DOCK5: variants seen among roughly 807,000 people sequenced by gnomAD.
DOCK5 encodes dedicator of cytokinesis 5, also known as dedicator of cytokinesis protein 5.
DOCK5 carries 142 observed loss-of-function variants against 251.8 expected under a neutral mutation model. The observed-to-expected ratio is 0.56, with a 90% CI of 0.49 to 0.65. DOCK5 has a LOEUF of 0.65. DOCK5 is among the 30% of genes least tolerant of loss of function. The pLI is 0.00. For synonymous variants in DOCK5, 842 were observed against 835.5 expected (o/e 1.01, Z -0.13); for missense variants, 2,111 against 2,312.3 (o/e 0.91, Z 1.79).
chr8:25,322,917 C>G (rs540687601), intron 16 of DOCK5, among the ~76,000 whole-genome samples: 9 of 152,308 alleles, frequency 5.9e-5, no homozygotes, highest in Middle Eastern at 6.8e-3. Context: ...TTCATAACAG[C>G]TTCACCCATA....
At chr8:25,192,387 TA>T (rs1801605047) in intron 1 of DOCK5, among the ~76,000 whole-genome samples, 1 of 152,256 alleles carries the variant, frequency 6.6e-6, no homozygotes, top group African/African-American at 2.4e-5. Flanking sequence ...ACAAAATATT[TA>T]ACCCATGTTG....
intron 1 of DOCK5, among the ~76,000 whole-genome samples, chr8:25,195,656 C>T (rs555849509): frequency 6.6e-6 from 1 of 152,298 alleles, no homozygotes; most frequent in East Asian, 1.9e-4. Context: ...TTTAGATGTC[C>T]GGTTCTCTGG....
intron 15 of DOCK5, 50 bp from the exon 16 acceptor site, chr8:25,320,926 ATGCT>A: frequency 6.6e-7 from 1 of 1,503,952 alleles, no homozygotes; most frequent in Non-Finnish European, 9.2e-7. Context: ...GAAATAAACC[ATGCT>A]TGCAAAGTAC....
At position 25,323,955 on chromosome 8, in the gene DOCK5, G is replaced by A. The variant is rs1251963942; in HGVS notation, c.1719+4G>A. The A allele has an allele frequency of 1.2e-5, 19 of 1,604,064 alleles. No individual in the cohort carries two copies. Among genetic ancestry groups the A allele is most frequent in the Non-Finnish European group, 1.3e-5 (15 of 1,175,596 alleles). On this transcript the variant is annotated splice_donor_region_variant and intron_variant, in intron 17 of 51. Coordinates refer to ENST00000276440, the MANE Select transcript of DOCK5 (RefSeq NM_024940.8). ...GCACGATCTGGTGGTTTATAAGGTG[G>A]TGCTAACAGAAAATGGCTGAGAAAA...
intron 40 of DOCK5, among the ~76,000 whole-genome samples, chr8:25,384,369 A>T (rs1801121745): frequency 6.6e-6 from 1 of 152,102 alleles, no homozygotes; most frequent in Admixed American, 6.5e-5. Flanking sequence ...GTCAAAACTC[A>T]CAGAATTTTA....
intron 4 of DOCK5, among the ~76,000 whole-genome samples, chr8:25,276,349 T>C (rs541293910): frequency 6.6e-6 from 1 of 152,298 alleles, no homozygotes; most frequent in African/African-American, 2.4e-5. Context: ...ATTTTGGGTA[T>C]TCATATTTCT....
In DOCK5 at chr8:25,359,028, C is replaced by T. The variant is rs754226847; in HGVS notation, c.2916C>T (p.Tyr972=). 1 of 1,613,902 alleles carries T rather than the reference C, an allele frequency of 6.2e-7. No homozygotes were observed. Residue 972 remains tyrosine, a synonymous_variant, in exon 28 of 52, where the codon TAC becomes TAT. Coordinates refer to ENST00000276440, the MANE Select transcript of DOCK5 (RefSeq NM_024940.8). ...QQMDDSHYSH[Y]ISTFKTRQDI... The stretch of plus-strand genomic sequence containing the variant: ...TGGACGACAGCCACTATAGCCACTA[C>T]ATCAGCACTTTCAAAACCAGACAAG...
chr8:25,308,455 G>T (rs1300381219), intron 11 of DOCK5, among the ~76,000 whole-genome samples: 2 of 151,902 alleles, frequency 1.3e-5, no homozygotes, highest in South Asian at 2.1e-4. Flanking sequence ...CCCTTCCGTG[G>T]GTGCTCTGTC....
At chr8:25,307,328 A>AG (rs1804971189) in intron 11 of DOCK5, among the ~76,000 whole-genome samples, 2 of 152,010 alleles carry the variant, frequency 1.3e-5, no homozygotes, top group Non-Finnish European at 2.9e-5. Context: ...CATGTTGGTC[A>AG]GGCTTGTGTC....
chr8:25,327,824 C>T (rs886863127), intron 18 of DOCK5, among the ~76,000 whole-genome samples: 13 of 151,992 alleles, frequency 8.6e-5, no homozygotes, highest in African/African-American at 2.7e-4. Flanking sequence ...TATATATCCT[C>T]GTGTCTATAG....
chr8:25,369,008 A>G (rs1460953838), intron 33 of DOCK5, among the ~76,000 whole-genome samples: 2 of 152,268 alleles, frequency 1.3e-5, no homozygotes, highest in African/African-American at 2.4e-5. Context: ...CTGTTTCAGT[A>G]TAGCCTAGAG....
intron 28 of DOCK5, among the ~76,000 whole-genome samples, chr8:25,362,021 T>G (rs1056541920): frequency 6.6e-6 from 1 of 152,218 alleles, no homozygotes; most frequent in Non-Finnish European, 1.5e-5. Flanking sequence ...CAACTCTGAT[T>G]GTTCTATTTC....
chr8:25,301,840 A>G (rs1804773250), intron 9 of DOCK5, among the ~76,000 whole-genome samples: 1 of 152,268 alleles, frequency 6.6e-6, no homozygotes, highest in African/African-American at 2.4e-5. Context: ...GAATAGTCCC[A>G]TAAAGCAGTG....
At chr8:25,346,366 TCTTC>T (rs951029894) in intron 26 of DOCK5, among the ~76,000 whole-genome samples, 7 of 152,172 alleles carry the variant, frequency 4.6e-5, no homozygotes, top group African/African-American at 1.7e-4. Context: ...TGCAGACACC[TCTTC>T]CTTCTTATCC....
At chr8:25,364,907 G>A in intron 30 of DOCK5, 7 of 432,638 alleles carry the variant, frequency 1.6e-5, no homozygotes, top group South Asian at 9.1e-5. Context: ...TTTCTATAAA[G>A]GTAACATATG....
At chr8:25,397,872 G>A (rs1801374096) in intron 45 of DOCK5, among the ~76,000 whole-genome samples, 2 of 152,116 alleles carry the variant, frequency 1.3e-5, no homozygotes, top group South Asian at 4.1e-4. Flanking sequence ...GGGACCTTTG[G>A]CTTAAGATAC....
At chr8:25,354,986 C>T (rs977314199) in intron 27 of DOCK5, among the ~76,000 whole-genome samples, 3 of 152,142 alleles carry the variant, frequency 2.0e-5, no homozygotes, top group Non-Finnish European at 4.4e-5. Context: ...GTAATCCCAG[C>T]ACTTTGGGAG....
At chr8:25,363,000 A>G (rs553986495) in intron 28 of DOCK5, 47 bp from the exon 29 acceptor site, 1 of 1,439,182 alleles carries the variant, frequency 6.9e-7, no homozygotes, top group South Asian at 1.2e-5. Flanking sequence ...AATAAAGACT[A>G]TGAACGTAAC....
At chr8:25,236,352 G>A (rs900089421) in intron 1 of DOCK5, among the ~76,000 whole-genome samples, 4 of 152,190 alleles carry the variant, frequency 2.6e-5, no homozygotes, top group Middle Eastern at 3.4e-3. Flanking sequence ...TAAAACCACA[G>A]ATTTGACTTC....
Sources: gnomAD v4.1 joint callset for allele counts (sites outside exome capture counted in the v4.1 genomes callset) on GRCh38, gnomAD v4.1.1 for gene constraint, MANE v1.5 for transcripts, NCBI Gene and HGNC (gene_info 2026-07-23, HGNC 2026-07-21) for gene names.